The following ATXN3L variants were observed in gnomAD, a reference collection of about 807,000 sequenced individuals.
ATXN3L encodes the protein ataxin 3 like, also known as ataxin-3-like protein.
For synonymous variants in ATXN3L, 98 were observed against 96.1 expected (o/e 1.02, Z -0.12); for missense variants, 283 against 255.2 (o/e 1.11, Z -0.74).
At position 13,318,666 on chromosome X, in the gene ATXN3L, TTTAA is replaced by T. The variant is rs748134130; in HGVS notation, c.*197_*200del. 3 of 350,822 alleles carry T rather than the reference TTTAA, an allele frequency of 8.6e-6. No individual in the cohort carries two copies. Among genetic ancestry groups the T allele is most frequent in the African/African-American group, 2.7e-5 (1 of 37,665 alleles). 28.9% of individuals were successfully genotyped at this position (350,822 alleles called of 1,213,427 possible). A position where few individuals can be genotyped will look rare whatever the true frequency, so the allele number is the denominator to read the frequency against. The stretch of plus-strand genomic sequence containing the variant: ...GGAACATTTTGAAAGCTAATTTAAA[TTTAA>T]TTAATTGCTGAATGTCTCCTTGGCT... On this transcript the variant is annotated 3_prime_UTR_variant, in exon 1 of 1. Coordinates refer to ENST00000380622, the MANE Select transcript of ATXN3L (RefSeq NM_001135995.2).
Position 13,318,775 on chromosome X carries a change from A to C in ATXN3L, c.*92T>G, listed in dbSNP as rs2044463946. On this transcript the variant is annotated 3_prime_UTR_variant, in exon 1 of 1. Transcript: ENST00000380622. ...AACTGTCTAAAAGCCTTATTTCCTC[A>C]TCTCTTTGACAGATGACCAAAATGG... 2.6e-6 allele frequency: 2 copies of C among 759,190 alleles called. No homozygotes were observed. The highest frequency in any genetic ancestry group is 3.8e-6 in the Non-Finnish European group (2 of 528,812). The allele number at this position is 759,190 out of a possible 1,213,427, so 62.6% of individuals were successfully genotyped here. A position where few individuals can be genotyped will look rare whatever the true frequency, so the allele number is the denominator to read the frequency against.
chrX:13,319,687 G>A lies in ATXN3L; in HGVS notation c.248C>T (p.Ala83Val), dbSNP rs188342261. The change falls in exon 1 of 1, where the codon GCC becomes GTC. Residue 83 changes from alanine to valine, a missense_variant. Physicochemically the swap from Ala to Val is moderately conservative, Grantham distance 64. Coordinates refer to ENST00000380622, the MANE Select transcript of ATXN3L (RefSeq NM_001135995.2). The part of the protein sequence containing the change: ...GFFSIQVISN[A>V]LKFWGLEIIH... ...GATCTCTAAACCCCAGAACTTCAAGGCATTGCTTATTACCTGAATGGAGAA... is the reference window on the plus strand; with the variant it reads ...GATCTCTAAACCCCAGAACTTCAAGACATTGCTTATTACCTGAATGGAGAA... 9.6e-5 allele frequency: 116 copies of A among 1,209,689 alleles called. No homozygotes were observed. The East Asian group carries it at 3.4e-3, about 35-fold the overall frequency.
rs370877568 is a variant in ATXN3L at position 13,319,082 on chromosome X, C to T, written c.853G>A (p.Asp285Asn). 4 of 1,209,740 alleles carry T rather than the reference C, an allele frequency of 3.3e-6. No homozygotes were observed. The African/African-American group carries it at 7.0e-5, about 21-fold the overall frequency. Reference sequence around the variant, plus strand: ...TCCTGCTGATGCTTTTCAAAATAGTCTTCTTTTATTTTCTTCGGCTGTTCT... The same window carrying T: ...TCCTGCTGATGCTTTTCAAAATAGTTTTCTTTTATTTTCTTCGGCTGTTCT... ...ASEQPKKIKE[D>N]YFEKHQQEQK... The change falls in exon 1 of 1, where the codon GAC becomes AAC. Residue 285 changes from aspartate (D) to asparagine (N), a missense_variant. Physicochemically the swap from Asp to Asn is conservative, Grantham distance 23. Coordinates refer to ENST00000380622, the MANE Select transcript of ATXN3L (RefSeq NM_001135995.2).
rs1427200123 is a variant in ATXN3L at position 13,319,278 on chromosome X, A to G, written c.657T>C (p.Ser219=). Residue 219 remains serine (S), a synonymous_variant, in exon 1 of 1, where the codon TCT becomes TCC. Transcript: ENST00000380622. ...LEKVSEESDE[S]GTSDQDEEDF... Reference sequence around the variant, plus strand: ...CCTCCTCATCTTGGTCTGATGTTCCAGACTCATCACTTTCTTCTGATACTT... The same window carrying G: ...CCTCCTCATCTTGGTCTGATGTTCCGGACTCATCACTTTCTTCTGATACTT... The G allele has an allele frequency of 6.6e-6, 8 of 1,209,934 alleles. No homozygotes were observed. Among genetic ancestry groups the G allele is most frequent in the Non-Finnish European group, 7.8e-6 (7 of 895,142 alleles).
At position 13,319,761 on chromosome X, in the gene ATXN3L, A is replaced by G; in HGVS notation, c.174T>C (p.Tyr58=). The G allele has an allele frequency of 1.7e-6, 2 of 1,211,620 alleles. No homozygotes were observed. The highest frequency in any genetic ancestry group is 2.2e-6 in the Non-Finnish European group (2 of 895,502). The change falls in exon 1 of 1, where the codon TAT becomes TAC. Residue 58 remains tyrosine, a synonymous_variant. Transcript: ENST00000380622. ...CTGAAGGCTGCTGTAAAAATGCAAG[A>G]TACTCTTCACTGGTGACTCCTCCTT... The part of the protein sequence containing the change: ...MAEGGVTSEE[Y]LAFLQQPSEN...
rs1407714885 is a variant in ATXN3L at position 13,319,394 on chromosome X, T to C, written c.541A>G (p.Ile181Val). 8 of 1,211,915 alleles carry C rather than the reference T, an allele frequency of 6.6e-6. No homozygotes were observed. Among genetic ancestry groups the C allele is most frequent in the South Asian group, 5.3e-5 (3 of 56,935 alleles). The change falls in exon 1 of 1, where the codon ATC becomes GTC. Residue 181 changes from isoleucine to valine, a missense_variant. Ile to Val is a conservative substitution (Grantham distance 29). Transcript: ENST00000380622. Reference protein sequence around the residue: ...DCEADQLLQIISVEEMDTPKL... With the variant: ...DCEADQLLQIVSVEEMDTPKL... The stretch of plus-strand genomic sequence containing the variant: ...GGTGTATCCATCTCTTCGACACTGA[T>C]GATCTGCAGGAGTTGGTCAGCTTCA...
At position 13,318,809 on chromosome X, in the gene ATXN3L, G is replaced by C. The variant is rs752965396; in HGVS notation, c.*58C>G. ...ACAGATGACCAAAATGGATCCTACAGTATAATCACACAGGATAATGTTGGA... is the reference window on the plus strand; with the variant it reads ...ACAGATGACCAAAATGGATCCTACACTATAATCACACAGGATAATGTTGGA... On this transcript the variant is annotated 3_prime_UTR_variant, in exon 1 of 1. Transcript: ENST00000380622. 204 of 1,028,564 alleles carry C rather than the reference G, an allele frequency of 2.0e-4. No homozygotes were observed. Among genetic ancestry groups the C allele is most frequent in the Non-Finnish European group, 2.6e-4 (200 of 757,140 alleles). The allele number at this position is 1,028,564 out of a possible 1,213,427, so 84.8% of individuals were successfully genotyped here.
chrX:13,319,862 C>G lies in ATXN3L; in HGVS notation c.73G>C (p.Gly25Arg), dbSNP rs778907160. ...AATTCCACAGGGCTAAAATATTCTC[C>G]TTGCAATAGATTGTTCAGACAGTGC... ...AQHCLNNLLQ[G>R]EYFSPVELAS... Residue 25 changes from glycine to arginine, a missense_variant, in exon 1 of 1, where the codon GGA becomes CGA. By Grantham distance (125) the Gly-to-Arg change is moderately radical. Transcript: ENST00000380622. 4.1e-6 allele frequency: 5 copies of G among 1,210,109 alleles called. No individual in the cohort carries two copies. In the Admixed American group the frequency reaches 1.1e-4, roughly 26 times the overall value.
Position 13,319,437 on chromosome X carries a change from C to G in ATXN3L, c.498G>C (p.Lys166Asn). ...CAGCTTCACAGTCTGGCAGATCACC[C>G]TTGACAACAAATACAGAATATGCTT... ...QQQAYSVFVV[K>N]GDLPDCEADQ... is the part of the protein sequence containing the mutation. Residue 166 changes from lysine to asparagine, a missense_variant, in exon 1 of 1, where the codon AAG becomes AAC. Transcript: ENST00000380622. 8.3e-7 allele frequency: 1 copy of G among 1,211,651 alleles called. No homozygotes were observed. The highest frequency in any genetic ancestry group is 1.1e-6 in the Non-Finnish European group (1 of 895,407).
chrX:13,319,993 G>C lies in ATXN3L; in HGVS notation c.-59C>G. The C allele has an allele frequency of 1.1e-5, 10 of 932,799 alleles. No homozygotes were observed. Among genetic ancestry groups the C allele is most frequent in the Non-Finnish European group, 1.5e-5 (10 of 669,831 alleles). The allele number at this position is 932,799 out of a possible 1,213,427, so 76.9% of individuals were successfully genotyped here. A position where few individuals can be genotyped will look rare whatever the true frequency, so the allele number is the denominator to read the frequency against. On this transcript the variant is annotated 5_prime_UTR_variant, in exon 1 of 1. Transcript: ENST00000380622. The stretch of plus-strand genomic sequence containing the variant: ...CGGAAGATGTTGTATGCCCAGCTAT[G>C]GCAGTTACCTGGGCAGTTTGTGGAT...
rs201168546 is a variant in ATXN3L, at chrX:13,319,199, G to A, written c.736C>T (p.His246Tyr). 7.7e-5 allele frequency: 93 copies of A among 1,209,871 alleles called. No homozygotes were observed. The highest frequency in any genetic ancestry group is 5.6e-6 in the Non-Finnish European group (5 of 895,128). The change falls in exon 1 of 1, where the codon CAT becomes TAT. Residue 246 changes from histidine (H) to tyrosine (Y), a missense_variant. Physicochemically the swap from His to Tyr is moderately conservative, Grantham distance 83 (BLOSUM62 2). Coordinates refer to ENST00000380622, the MANE Select transcript of ATXN3L (RefSeq NM_001135995.2). ...CTTAACTCAATAGTACTGCGGAGATGTTCATCTTCTCTATTGGTTTCTTGG... is the reference window on the plus strand; with the variant it reads ...CTTAACTCAATAGTACTGCGGAGATATTCATCTTCTCTATTGGTTTCTTGG... Reference protein sequence around the residue: ...SRQETNREDEHLRSTIELSMQ... With the variant: ...SRQETNREDEYLRSTIELSMQ...
Position 13,318,842 on chromosome X carries a change from ACTAT to A in ATXN3L, c.*21_*24del, listed in dbSNP as rs1476769961. The stretch of plus-strand genomic sequence containing the variant: ...ACACAGGATAATGTTGGAAAGTATG[ACTAT>A]CTAAATTATTTTTAAAGGCATTATT... On this transcript the variant is annotated 3_prime_UTR_variant, in exon 1 of 1. Transcript: ENST00000380622. 3.5e-6 allele frequency: 4 copies of A among 1,126,947 alleles called. No homozygotes were observed. The highest frequency in any genetic ancestry group is 4.8e-6 in the Non-Finnish European group (4 of 834,943). The allele number at this position is 1,126,947 out of a possible 1,213,427, so 92.9% of individuals were successfully genotyped here. A position where few individuals can be genotyped will look rare whatever the true frequency, so the allele number is the denominator to read the frequency against.
In ATXN3L at chrX:13,319,386, G is replaced by A. The variant is rs754165902; in HGVS notation, c.549C>T (p.Val183=). 73 of 1,208,485 alleles carry A rather than the reference G, an allele frequency of 6.0e-5. No individual in the cohort carries two copies. The East Asian group carries it at 1.9e-3, about 31-fold the overall frequency. The stretch of plus-strand genomic sequence containing the variant: ...TAAGTTTTGGTGTATCCATCTCTTC[G>A]ACACTGATGATCTGCAGGAGTTGGT... ...EADQLLQIIS[V]EEMDTPKLNG... is the part of the protein sequence containing the mutation. Residue 183 remains valine, a synonymous_variant, in exon 1 of 1, where the codon GTC becomes GTT. Coordinates refer to ENST00000380622, the MANE Select transcript of ATXN3L (RefSeq NM_001135995.2).
In ATXN3L at chrX:13,319,349, AT is replaced by A. The variant is rs1411781059; in HGVS notation, c.585del (p.Lys195AsnfsTer2). 4 of 1,208,013 alleles carry A rather than the reference AT, an allele frequency of 3.3e-6. No individual in the cohort carries two copies. The highest frequency in any genetic ancestry group is 3.0e-5 in the East Asian group (1 of 33,763). On this transcript the variant is annotated frameshift_variant, in exon 1 of 1. Transcript: ENST00000380622. LOFTEE classifies it low-confidence loss of function (END_TRUNC). ...EMDTPKLNGKKLVKQKEHRVY... is the reference protein window; with the variant it reads ...EMDTPKLNGKXLVKQKEHRVY... The stretch of plus-strand genomic sequence containing the variant: ...ACTCTATGCTCTTTTTGTTTTACTA[AT>A]TTTTTTCCATTAAGTTTTGGTGTAT...
Position 13,318,775 on chromosome X carries a change from A to T in ATXN3L, c.*92T>A. The T allele has an allele frequency of 1.3e-6, 1 of 759,190 alleles. No individual in the cohort carries two copies. Among genetic ancestry groups the T allele is most frequent in the South Asian group, 2.9e-5 (1 of 34,096 alleles). The allele number at this position is 759,190 out of a possible 1,213,427, so 62.6% of individuals were successfully genotyped here. On this transcript the variant is annotated 3_prime_UTR_variant, in exon 1 of 1. Transcript: ENST00000380622. ...AACTGTCTAAAAGCCTTATTTCCTC[A>T]TCTCTTTGACAGATGACCAAAATGG... is the stretch of plus-strand genomic sequence containing the variant.
Position 13,319,226 on chromosome X carries a change from G to A in ATXN3L, c.709C>T (p.Arg237Cys), listed in dbSNP as rs753162194. Residue 237 changes from arginine (R) to cysteine (C), a missense_variant, in exon 1 of 1, where the codon CGC becomes TGC. Coordinates refer to ENST00000380622, the MANE Select transcript of ATXN3L (RefSeq NM_001135995.2). ...TCATCTTCTCTATTGGTTTCTTGGC[G>A]GCTTAGTTCAAGGGCCCTCTGAAAA... Reference protein sequence around the residue: ...EDFQRALELSRQETNREDEHL... With the variant: ...EDFQRALELSCQETNREDEHL... 14 of 1,209,405 alleles carry A rather than the reference G, an allele frequency of 1.2e-5. No homozygotes were observed. Among genetic ancestry groups the A allele is most frequent in the African/African-American group, 7.0e-5 (4 of 57,188 alleles).
chrX:13,319,138 A>G lies in ATXN3L; in HGVS notation c.797T>C (p.Leu266Pro). Reference protein sequence around the residue: ...QGSSGNTSQDLPKTSCVTPAS... With the variant: ...QGSSGNTSQDPPKTSCVTPAS... ...AGGAGTTACACATGATGTCTTTGGA[A>G]GATCTTGCGATGTGTTTCCGGAACT... Residue 266 changes from leucine to proline, a missense_variant, in exon 1 of 1, where the codon CTT (leucine) becomes CCT (proline). Leu to Pro is a moderately conservative substitution (Grantham distance 98). Coordinates refer to ENST00000380622, the MANE Select transcript of ATXN3L (RefSeq NM_001135995.2). The G allele has an allele frequency of 8.3e-7, 1 of 1,211,329 alleles. No individual in the cohort carries two copies.
Position 13,319,130 on chromosome X carries a change from T to C in ATXN3L, c.805A>G (p.Thr269Ala). The stretch of plus-strand genomic sequence containing the variant: ...TCTGAAGCAGGAGTTACACATGATG[T>C]CTTTGGAAGATCTTGCGATGTGTTT... ...SGNTSQDLPK[T>A]SCVTPASEQP... Residue 269 changes from threonine (T) to alanine (A), a missense_variant, in exon 1 of 1, where the codon ACA becomes GCA. Physicochemically the swap from Thr to Ala is moderately conservative, Grantham distance 58. Coordinates refer to ENST00000380622, the MANE Select transcript of ATXN3L (RefSeq NM_001135995.2). 1 of 1,211,537 alleles carries C rather than the reference T, an allele frequency of 8.3e-7. No homozygotes were observed. Among genetic ancestry groups the C allele is most frequent in the Non-Finnish European group, 1.1e-6 (1 of 895,395 alleles).
chrX:13,319,902 A>G lies in ATXN3L; in HGVS notation c.33T>C (p.Gly11=), dbSNP rs998273864. The G allele has an allele frequency of 5.8e-6, 7 of 1,206,013 alleles. No individual in the cohort carries two copies. The highest frequency in any genetic ancestry group is 7.9e-6 in the Non-Finnish European group (7 of 891,618). MDFIFHEKQE[G]FLCAQHCLNN... is the part of the protein sequence containing the mutation. ...TCAGACAGTGCTGAGCACACAGGAA[A>G]CCTTCCTGTTTCTCATGAAAGATGA... Residue 11 remains glycine (G), a synonymous_variant, in exon 1 of 1, where the codon GGT becomes GGC. Coordinates refer to ENST00000380622, the MANE Select transcript of ATXN3L (RefSeq NM_001135995.2).
Sources: allele counts gnomAD v4.1 joint callset, GRCh38; gene constraint gnomAD v4.1.1; transcripts MANE v1.5; gene names NCBI Gene and HGNC (gene_info 2026-07-23, HGNC 2026-07-21).